Variants in SFPQ observed in about 807,000 individuals in gnomAD.
The protein encoded by SFPQ is splicing factor proline and glutamine rich, also known as splicing factor, proline- and glutamine-rich.
Under a neutral mutation model 72.9 loss-of-function variants are expected in SFPQ, and 11 were observed. The observed-to-expected ratio is 0.15, with a 90% CI of 0.09 to 0.25. The LOEUF (loss-of-function observed/expected upper bound fraction) is 0.25. Ranked by LOEUF, SFPQ falls within the 10% of genes least tolerant of loss-of-function variation. The pLI is 1.00. For missense variants in SFPQ, 847 were observed against 993.3 expected (o/e 0.85, Z 1.98); for synonymous variants, 506 against 367.3 (o/e 1.38, Z -4.32).
At chr1:35,186,131 A>G (rs772154476) in intron 9 of SFPQ, among the ~76,000 whole-genome samples, 3 of 152,216 alleles carry the variant, frequency 2.0e-5, no homozygotes, top group Non-Finnish European at 2.9e-5. Flanking sequence ...TTATGTTTCT[A>G]TTTATAAAAT....
chr1:35,180,218 A>G (rs1639410418), downstream of SFPQ: 4 of 1,051,850 alleles, frequency 3.8e-6, no homozygotes, highest in Non-Finnish European at 3.4e-6. Context: ...ACTGTCTCTC[A>G]TGCATGCTAG....
chr1:35,183,660 G>GA lies in SFPQ; in HGVS notation c.*795dup, dbSNP rs1293878527. 4 of 1,038,278 alleles carry GA rather than the reference G, an allele frequency of 3.9e-6. No individual in the cohort carries two copies. The highest frequency in any genetic ancestry group is 5.9e-5 in the East Asian group (1 of 16,968). 64.3% of individuals were successfully genotyped at this position (1,038,278 alleles called of 1,614,324 possible). Reference sequence around the variant, plus strand: ...TCAATACAAGCCATTTATAGGGCTTGAGATTTGTTGGTCTTTTAAAAACAA... The same window carrying GA: ...TCAATACAAGCCATTTATAGGGCTTGAAGATTTGTTGGTCTTTTAAAAACAA... On this transcript the variant is annotated 3_prime_UTR_variant, in exon 10 of 10. Transcript: ENST00000357214.
In SFPQ at chr1:35,192,237, C is replaced by T; in HGVS notation, c.813G>A (p.Lys271=). Reference sequence around the variant, plus strand: ...AGACACTCACCTCCGAGTCCGAGATCTTCTCCTCGCTGCGGCCGCCGGGCC... The same window carrying T: ...AGACACTCACCTCCGAGTCCGAGATTTTCTCCTCGCTGCGGCCGCCGGGCC... The part of the protein sequence containing the change: ...PGGPGGRSEE[K]ISDSEGFKAN... Residue 271 remains lysine (K), a synonymous_variant, in exon 1 of 10, where the codon AAG becomes AAA. Transcript: ENST00000357214. 2 of 1,461,600 alleles carry T rather than the reference C, an allele frequency of 1.4e-6. No individual in the cohort carries two copies. The highest frequency in any genetic ancestry group is 9.0e-7 in the Non-Finnish European group (1 of 1,114,234). The allele number at this position is 1,461,600 out of a possible 1,614,324, so 90.5% of individuals were successfully genotyped here.
At position 35,188,075 on chromosome 1, in the gene SFPQ, T is replaced by C. The variant is rs575519895; in HGVS notation, c.1713A>G (p.Arg571=). Residue 571 remains arginine, a synonymous_variant, in exon 7 of 10, where the codon CGA becomes CGG. Coordinates refer to ENST00000357214, the MANE Select transcript of SFPQ (RefSeq NM_005066.3). ...TCATCATCTCTTCCTCTCTTCTACG[T>C]CGTTCCTCCTCTTGCCTAGAAATAC... ...KEMQLRQEEE[R]RRREEEMMIR... The C allele has an allele frequency of 5.3e-4, 847 of 1,613,318 alleles. 13 individuals carry two copies. The South Asian group carries it at 8.8e-3, about 17-fold the overall frequency.
intron 1 of SFPQ, 49 bp downstream of exon 1, chr1:35,192,173 G>A (rs761695906): frequency 3.8e-6 from 5 of 1,310,572 alleles, no homozygotes; most frequent in East Asian, 3.2e-5. Flanking sequence ...CGAGGAGGGG[G>A]CCGCCGCCAT....
At chr1:35,181,661 T>C (rs1639472871), downstream of SFPQ, 1 of 1,060,482 alleles carries the variant, frequency 9.4e-7, no homozygotes, top group South Asian at 4.6e-5. Context: ...TAAAACAAAA[T>C]TATGAGAAAG....
rs1253924578 is a variant in SFPQ at position 35,190,480 on chromosome 1, A to C, written c.1415+18T>G. ...ACACTTGATTTAAAAACTGCCAAAAAAGTTTAATCAATCTTACTTTTGATA... is the reference window on the plus strand; with the variant it reads ...ACACTTGATTTAAAAACTGCCAAAACAGTTTAATCAATCTTACTTTTGATA... On this transcript the variant is annotated intron_variant, in intron 4 of 9. Transcript: ENST00000357214. 1 of 1,554,204 alleles carries C rather than the reference A, an allele frequency of 6.4e-7. No individual in the cohort carries two copies. Among genetic ancestry groups the C allele is most frequent in the East Asian group, 2.2e-5 (1 of 44,502 alleles).
chr1:35,184,174 A>G lies in SFPQ; in HGVS notation c.*282T>C, dbSNP rs1639600690. ...ACAGTAAAAAAAAAAAAATTGGTAC[A>G]CTTTGGAAATTCAGTGGCACAAGGT... On this transcript the variant is annotated 3_prime_UTR_variant, in exon 10 of 10. Coordinates refer to ENST00000357214, the MANE Select transcript of SFPQ (RefSeq NM_005066.3). 1.7e-6 allele frequency: 2 copies of G among 1,168,308 alleles called. No individual in the cohort carries two copies. Among genetic ancestry groups the G allele is most frequent in the Non-Finnish European group, 2.1e-6 (2 of 948,384 alleles). The allele number at this position is 1,168,308 out of a possible 1,614,324, so 72.4% of individuals were successfully genotyped here.
chr1:35,186,906 T>A (rs1390869856), intron 9 of SFPQ, 95 bp downstream of exon 9: 3 of 1,255,808 alleles, frequency 2.4e-6, no homozygotes, highest in Non-Finnish European at 3.3e-6. Context: ...AGAGGTCCAG[T>A]CACCTACTTA....
chr1:35,179,353 A>C, downstream of SFPQ: 1 of 1,057,740 alleles, frequency 9.5e-7, no homozygotes, highest in Non-Finnish European at 1.1e-6. Context: ...GCAACCTTGC[A>C]TGAAGAGCAC....
At chr1:35,190,477 A>G (rs1467387597) in intron 4 of SFPQ, 21 bp downstream of exon 4, 1 of 1,548,702 alleles carries the variant, frequency 6.5e-7, no homozygotes, top group Admixed American at 1.8e-5. Flanking sequence ...AAAACTGCCA[A>G]AAAAGTTTAA....
downstream of SFPQ, chr1:35,181,652 A>G (rs1481596631): frequency 3.8e-5 from 40 of 1,060,720 alleles, no homozygotes; most frequent in South Asian, 4.6e-5. Flanking sequence ...TGTTCCTCTT[A>G]AAACAAAATT....
chr1:35,182,629 G>A (rs1639517330), downstream of SFPQ: 1 of 985,220 alleles, frequency 1.0e-6, no homozygotes, highest in Non-Finnish European at 1.2e-6. Flanking sequence ...TGTTAATAAA[G>A]GTTTGACTTA....
At chr1:35,186,442 G>A (rs1024246427) in intron 9 of SFPQ, among the ~76,000 whole-genome samples, 1 of 151,784 alleles carries the variant, frequency 6.6e-6, no homozygotes, top group Non-Finnish European at 1.5e-5. Flanking sequence ...GATGTCAGTT[G>A]ATTTTAGAAG....
chr1:35,189,080 C>A lies in SFPQ; in HGVS notation c.1620G>T (p.Met540Ile). The A allele has an allele frequency of 6.2e-7, 1 of 1,613,402 alleles. No individual in the cohort carries two copies. Among genetic ancestry groups the A allele is most frequent in the Non-Finnish European group, 8.5e-7 (1 of 1,179,874 alleles). ...HQANLLRQDL[M>I]RRQEELRRME... ...TGCGTCTTAATTCTTCCTGTCGTCT[C>A]ATCAGATCTGAACATTGGAAAATAT... The change falls in exon 6 of 10, where the codon ATG (methionine) becomes ATT (isoleucine). Residue 540 changes from methionine (M) to isoleucine (I), a missense_variant. This residue lies in a region of SFPQ where 132 missense variants were observed against 255.4 expected (regional missense o/e 0.52). Transcript: ENST00000357214.
chr1:35,181,292 C>CTTAA, downstream of SFPQ: 1 of 1,065,622 alleles, frequency 9.4e-7, no homozygotes, highest in Non-Finnish European at 1.1e-6. Context: ...TTTAATAGTG[C>CTTAA]ATAATTGCAG....
intron 9 of SFPQ, among the ~76,000 whole-genome samples, chr1:35,186,194 T>G (rs1343199547): frequency 4.6e-5 from 7 of 152,314 alleles, no homozygotes; most frequent in Admixed American, 4.6e-4. Flanking sequence ...AAGCCTGTAG[T>G]GAACTCATCA....
At chr1:35,180,073 C>T, downstream of SFPQ, 1 of 1,052,934 alleles carries the variant, frequency 9.5e-7, no homozygotes, top group Non-Finnish European at 1.1e-6. Context: ...CTGTCCCCAC[C>T]TTGTGAATTG....
At chr1:35,187,551 C>A (rs1346678602) in intron 7 of SFPQ, among the ~76,000 whole-genome samples, 2 of 152,068 alleles carry the variant, frequency 1.3e-5, no homozygotes, top group Admixed American at 6.5e-5. Flanking sequence ...GCCAACAAGG[C>A]GAAACGCCAT....
Sources: allele counts gnomAD v4.1 joint callset (sites outside exome capture counted in the v4.1 genomes callset), GRCh38; gene constraint gnomAD v4.1.1; regional missense constraint gnomAD v4.1.1; transcripts MANE v1.5; gene names NCBI Gene and HGNC (gene_info 2026-07-23, HGNC 2026-07-21).